WDR17: variants seen among roughly 807,000 people sequenced by gnomAD.
WDR17 encodes the protein WD repeat-containing protein 17.
Under a neutral mutation model 161.7 loss-of-function variants are expected in WDR17, and 143 were observed. That is an observed-to-expected ratio of 0.88 (90% CI 0.77 to 1.02). WDR17 has a LOEUF of 1.02. Among genes scored for constraint, WDR17 ranks in the 50% least tolerant of loss-of-function variants. The pLI is 0.00. For synonymous variants in WDR17, 517 were observed against 515.6 expected (o/e 1.00, Z -0.04); for missense variants, 1,469 against 1,520.9 (o/e 0.97, Z 0.57).
chr4:176,115,267 A>AT (rs1740417387), intron 2 of WDR17, among the ~76,000 whole-genome samples: 1 of 151,974 alleles, frequency 6.6e-6, no homozygotes, highest in Non-Finnish European at 1.5e-5. Flanking sequence ...TAGGCTGTTT[A>AT]TTTTTTCTAT....
At chr4:176,076,624 A>AT (rs550717229) in intron 1 of WDR17, among the ~76,000 whole-genome samples, 173 of 149,492 alleles carry the variant, frequency 1.2e-3, no homozygotes, top group Admixed American at 1.8e-3. Flanking sequence ...CATTGATATG[A>AT]TTTTTTTTTG....
Position 176,120,906 on chromosome 4 carries a change from A to G in WDR17, c.538+809A>G, listed in dbSNP as rs572280354. The stretch of plus-strand genomic sequence containing the variant: ...AACAAATGAAATTGTGAAAATTTAA[A>G]TAAATCTTTCTTCAGGAAATAATGT... On this transcript the variant is annotated intron_variant, in intron 4 of 28. Coordinates refer to ENST00000508596, the MANE Select transcript of WDR17 (RefSeq NM_181265.4). Among the ~76,000 whole-genome samples the G allele has an allele frequency of 2.6e-5, 4 of 152,278 alleles. No homozygotes were observed. In the East Asian group the frequency reaches 7.7e-4, roughly 29 times the overall value.
In WDR17 at chr4:176,162,174, G is replaced by A. The variant is rs1422992901; in HGVS notation, c.2850G>A (p.Glu950=). The part of the protein sequence containing the change: ...ACCHLAIDNI[E]LAMAYLIRGN... ...GCCATCTTGCCATAGATAATATTGA[G>A]GTACGACATTTAAAACTGGTTTATG... The change falls in exon 21 of 29, where the codon GAG becomes GAA. Residue 950 remains glutamate, a splice_region_variant and synonymous_variant. Coordinates refer to ENST00000508596, the MANE Select transcript of WDR17 (RefSeq NM_181265.4). 6.2e-7 allele frequency: 1 copy of A among 1,610,546 alleles called. No homozygotes were observed. The highest frequency in any genetic ancestry group is 8.5e-7 in the Non-Finnish European group (1 of 1,178,470).
chr4:176,129,538 T>C (rs1181623174), intron 6 of WDR17, among the ~76,000 whole-genome samples: 1 of 152,144 alleles, frequency 6.6e-6, no homozygotes, highest in South Asian at 2.1e-4. Context: ...TCATGATTAC[T>C]CTGCATGGTT....
chr4:176,123,685 C>G (rs1425022488), intron 4 of WDR17, among the ~76,000 whole-genome samples: 1 of 152,196 alleles, frequency 6.6e-6, no homozygotes, highest in African/African-American at 2.4e-5. Flanking sequence ...GGCATGCCGC[C>G]CTCCAGGAGC....
Position 176,115,828 on chromosome 4 carries a change from C to A in WDR17, c.156C>A (p.His52Gln). Residue 52 changes from histidine (H) to glutamine (Q), a missense_variant, in exon 3 of 29, where the codon CAC (histidine) becomes CAA (glutamine). By Grantham distance (24) the His-to-Gln change is conservative (BLOSUM62 0). Transcript: ENST00000508596. ...ACCGTTATAATGAATTCAAACTTCA[C>A]GCAATTATGTCTGAACATAAAAAAA... Reference protein sequence around the residue: ...LDHRYNEFKLHAIMSEHKKTI... With the variant: ...LDHRYNEFKLQAIMSEHKKTI... 6.2e-7 allele frequency: 1 copy of A among 1,606,164 alleles called. No individual in the cohort carries two copies. The highest frequency in any genetic ancestry group is 8.5e-7 in the Non-Finnish European group (1 of 1,176,002).
Position 176,109,431 on chromosome 4 carries a change from C to T in WDR17, c.-6-2144C>T, listed in dbSNP as rs552813933. 5.9e-5 allele frequency among the ~76,000 whole-genome samples: 9 copies of T among 152,240 alleles called. No homozygotes were observed. The South Asian group carries it at 1.9e-3, about 32-fold the overall frequency. ...GAAAGTTTCTGAATACATAAAAGCACTCAAGATTGGTAGCCCTGTTTGTTT... is the reference window on the plus strand; with the variant it reads ...GAAAGTTTCTGAATACATAAAAGCATTCAAGATTGGTAGCCCTGTTTGTTT... On this transcript the variant is annotated intron_variant, in intron 1 of 28. Coordinates refer to ENST00000508596, the MANE Select transcript of WDR17 (RefSeq NM_181265.4).
At chr4:176,175,146 A>G (rs1751257893) in intron 26 of WDR17, among the ~76,000 whole-genome samples, 1 of 152,214 alleles carries the variant, frequency 6.6e-6, no homozygotes, top group African/African-American at 2.4e-5. Flanking sequence ...AGAGTGAAAG[A>G]GACCACAAAG....
Position 176,073,286 on chromosome 4 carries a change from G to C in WDR17, c.-7+7207G>C, listed in dbSNP as rs566015559. On this transcript the variant is annotated intron_variant, in intron 1 of 28. Coordinates refer to ENST00000508596, the MANE Select transcript of WDR17 (RefSeq NM_181265.4). ...CACCCTACAACAGTCCCCAGAGTGT[G>C]ATGTTCCCCTTACTATGTCCATGTG... is the stretch of plus-strand genomic sequence containing the variant. Among the ~76,000 whole-genome samples the C allele has an allele frequency of 1.1e-3, 164 of 152,168 alleles. 4 individuals carry two copies. In the South Asian group the frequency reaches 0.03, roughly 28 times the overall value.
intron 22 of WDR17, among the ~76,000 whole-genome samples, chr4:176,163,612 T>A (rs2126857142): frequency 6.6e-6 from 1 of 152,084 alleles, no homozygotes; most frequent in East Asian, 1.9e-4. Context: ...CATGTTAAAA[T>A]TCCGCATATC....
At chr4:176,090,255 T>TAAAA (rs1561082183) in intron 1 of WDR17, among the ~76,000 whole-genome samples, 19 of 147,706 alleles carry the variant, frequency 1.3e-4, no homozygotes, top group African/African-American at 3.1e-4. Context: ...GCTGGTTGTT[T>TAAAA]TAAAAAAAAA....
At chr4:176,132,820 AAAAACATAAGAATACACTT>A in intron 7 of WDR17, among the ~76,000 whole-genome samples, 1 of 152,004 alleles carries the variant, frequency 6.6e-6, no homozygotes, top group African/African-American at 2.4e-5. Flanking sequence ...GGGAAGGGAG[AAAAACATAAGAATACACTT>A]AAATCTATAA....
At chr4:176,120,992 A>G (rs1485324132) in intron 4 of WDR17, among the ~76,000 whole-genome samples, 2 of 152,188 alleles carry the variant, frequency 1.3e-5, no homozygotes, top group Non-Finnish European at 2.9e-5. Context: ...TATTCTAAAT[A>G]CATTTTAAAT....
chr4:176,120,288 TTATATATATATATATATA>T (rs33940735), intron 4 of WDR17, among the ~76,000 whole-genome samples, 191 bp downstream of exon 4: 36,708 of 136,520 alleles, frequency 0.27, 4,990 homozygotes, highest in South Asian at 0.31. Flanking sequence ...ATTTGAAGTT[TTATATATATATATATATA>T]TATATATATA....
At chr4:176,148,956 A>G (rs1188547594) in intron 13 of WDR17, among the ~76,000 whole-genome samples, 1 of 152,226 alleles carries the variant, frequency 6.6e-6, no homozygotes, top group African/African-American at 2.4e-5. Context: ...TCTTAGAAAA[A>G]GTAACCTCAA....
chr4:176,177,641 G>A lies in WDR17; in HGVS notation c.3719G>A (p.Gly1240Glu). Residue 1240 changes from glycine (G) to glutamate (E), a missense_variant, in exon 28 of 29, where the codon GGA becomes GAA. Physicochemically the swap from Gly to Glu is moderately conservative, Grantham distance 98 (BLOSUM62 -2). Coordinates refer to ENST00000508596, the MANE Select transcript of WDR17 (RefSeq NM_181265.4). ...HSDIHISCLT[G>E]LKIQGPVFFL... ...GATATTCACATTTCTTGTCTTACGG[G>A]ATTAAAAATCCAGGTAAAGCCTAAC... 2 of 1,581,794 alleles carry A rather than the reference G, an allele frequency of 1.3e-6. No homozygotes were observed. Among genetic ancestry groups the A allele is most frequent in the Non-Finnish European group, 1.7e-6 (2 of 1,170,588 alleles).
At chr4:176,158,210 G>A (rs1045741841) in intron 18 of WDR17, among the ~76,000 whole-genome samples, 2 of 152,148 alleles carry the variant, frequency 1.3e-5, no homozygotes, top group Non-Finnish European at 2.9e-5. Context: ...GATTAGAGAA[G>A]GTCAATAGCA....
intron 22 of WDR17, chr4:176,166,216 C>A: frequency 2.2e-6 from 1 of 464,756 alleles, no homozygotes; most frequent in Non-Finnish European, 3.7e-6. Context: ...TATTTGAATA[C>A]TATCTCTGTA....
chr4:176,164,461 T>C (rs2126859170), intron 22 of WDR17, among the ~76,000 whole-genome samples: 1 of 152,338 alleles, frequency 6.6e-6, no homozygotes, highest in South Asian at 2.1e-4. Flanking sequence ...ATTCTATAAA[T>C]TACCTTCAGG....
Sources: allele counts gnomAD v4.1 joint callset (sites outside exome capture counted in the v4.1 genomes callset), GRCh38; gene constraint gnomAD v4.1.1; transcripts MANE v1.5; gene names NCBI Gene and HGNC (gene_info 2026-07-23, HGNC 2026-07-21).